The following NACAD variants were observed in gnomAD, a reference collection of about 807,000 sequenced individuals.
The protein encoded by NACAD is NAC alpha domain containing.
Under a neutral mutation model 98.9 loss-of-function variants are expected in NACAD, and 47 were observed. The observed-to-expected ratio is 0.48, with a 90% CI of 0.38 to 0.61. The LOEUF (loss-of-function observed/expected upper bound fraction) is 0.61, where lower values mean the gene tolerates loss of function less well. Among genes scored for constraint, NACAD ranks in the 20% least tolerant of loss-of-function variants. The pLI is 0.00. For missense variants in NACAD, 1,412 were observed against 1,748.2 expected (o/e 0.81, Z 3.43); for synonymous variants, 696 against 767.2 (o/e 0.91, Z 1.53).
Position 45,082,954 on chromosome 7 carries a change from C to A in NACAD, c.3226G>T (p.Val1076Phe). 6.4e-7 allele frequency: 1 copy of A among 1,551,086 alleles called. No individual in the cohort carries two copies. Among genetic ancestry groups the A allele is most frequent in the South Asian group, 1.2e-5 (1 of 84,070 alleles). The change falls in exon 2 of 8, where the codon GTT becomes TTT. Residue 1076 changes from valine (V) to phenylalanine (F), a missense_variant. By Grantham distance (50) the Val-to-Phe change is conservative. This residue lies in a region of NACAD where 572 missense variants were observed against 639.6 expected (regional missense o/e 0.89). Transcript: ENST00000490531. This position sits in a 1 kb window ranked among gnomAD's most constrained non-coding sequence, Gnocchi z 4.5. The stretch of plus-strand genomic sequence containing the variant: ...AGGCCTCCTTCCTGCTGGTTCTCAA[C>A]CTCCAGGGTCTCCTTTTGGGGTGAG... ...PDSPQKETLE[V>F]ENQQEGGLKP...
chr7:45,088,832 G>T lies in NACAD; in HGVS notation c.63C>A (p.Arg21=), dbSNP rs780620457. 1.3e-6 allele frequency: 2 copies of T among 1,493,050 alleles called. No individual in the cohort carries two copies. Among genetic ancestry groups the T allele is most frequent in the South Asian group, 2.5e-5 (2 of 80,226 alleles). The allele number at this position is 1,493,050 out of a possible 1,614,324, so 92.5% of individuals were successfully genotyped here. Reference sequence around the variant, plus strand: ...AAAGAGTGGCCACGGCCTCACCTGTGCGGGGCCCGGGTCGGTCCGCCTCGG... The same window carrying T: ...AAAGAGTGGCCACGGCCTCACCTGTTCGGGGCCCGGGTCGGTCCGCCTCGG... ...LLPEADRPGP[R]TDLSCDAAAA... is the part of the protein sequence containing the mutation. The change falls in exon 1 of 8, where the codon CGC becomes CGA. Residue 21 remains arginine (R), a synonymous_variant. Coordinates refer to ENST00000490531, the MANE Select transcript of NACAD (RefSeq NM_001146334.2). The surrounding 1 kb of genome is among the most constrained non-coding windows in gnomAD (Gnocchi z 5.7).
At position 45,080,915 on chromosome 7, in the gene NACAD, C is replaced by A. The variant is rs759587258; in HGVS notation, c.4512G>T (p.Arg1504Ser). 7.1e-6 allele frequency: 11 copies of A among 1,555,776 alleles called. No homozygotes were observed. The highest frequency in any genetic ancestry group is 9.6e-6 in the Non-Finnish European group (11 of 1,149,588). ...CCTCTTCCTCTTCCTTGCACTCCAG[C>A]CTCACCCGGGGCCTGGGTGCTGACT... Reference protein sequence around the residue: ...VPESAPRPRVRLECKEEEEEE... With the variant: ...VPESAPRPRVSLECKEEEEEE... Residue 1504 changes from arginine to serine, a missense_variant, in exon 6 of 8, where the codon AGG (arginine) becomes AGT (serine). Transcript: ENST00000490531.
chr7:45,080,859 G>A lies in NACAD; in HGVS notation c.4551+17C>T, dbSNP rs1472302866. ...TCCCACCACCCCCTGCGAGGCCCTG[G>A]AGCCCCTGCACTTCACCTCTTCCTC... On this transcript the variant is annotated intron_variant, in intron 6 of 7. Transcript: ENST00000490531. The A allele has an allele frequency of 1.3e-6, 2 of 1,553,906 alleles. No individual in the cohort carries two copies. The highest frequency in any genetic ancestry group is 1.9e-5 in the Admixed American group (1 of 51,300).
In NACAD at chr7:45,084,581, G is replaced by C; in HGVS notation, c.1599C>G (p.Ser533Arg). 1.9e-6 allele frequency: 3 copies of C among 1,551,944 alleles called. No homozygotes were observed. The highest frequency in any genetic ancestry group is 1.4e-5 in the African/African-American group (1 of 73,152). Residue 533 changes from serine (S) to arginine (R), a missense_variant, in exon 2 of 8, where the codon AGC becomes AGG. Ser to Arg is a moderately radical substitution (Grantham distance 110, BLOSUM62 -1). This residue lies in a region of NACAD where 638 missense variants were observed against 722.7 expected (regional missense o/e 0.88). Transcript: ENST00000490531. ...TGACAGACTCTTGGCCTAAGATCTC[G>C]CTGATGCCCTCCTGGGAGGGCTGAG... The part of the protein sequence containing the change: ...AMPQPSQEGI[S>R]EILGQESVTA...
chr7:45,085,238 C>A lies in NACAD; in HGVS notation c.942G>T (p.Gln314His). The change falls in exon 2 of 8, where the codon CAG becomes CAT. Residue 314 changes from glutamine to histidine, a missense_variant. By Grantham distance (24) the Gln-to-His change is conservative. This residue lies in a region of NACAD where 638 missense variants were observed against 722.7 expected (regional missense o/e 0.88). Transcript: ENST00000490531. The surrounding 1 kb of genome is among the most constrained non-coding windows in gnomAD (Gnocchi z 6.1). ...PMIPAALLPF[Q>H]GSLIFQVEAV... ...CCTCCACCTGAAAGATGAGGCTGCC[C>A]TGGAAGGGTAGGAGGGCTGCGGGGA... 6.4e-7 allele frequency: 1 copy of A among 1,551,424 alleles called. No homozygotes were observed. The highest frequency in any genetic ancestry group is 1.2e-5 in the South Asian group (1 of 84,064).
chr7:45,084,369 G>A lies in NACAD; in HGVS notation c.1811C>T (p.Pro604Leu), dbSNP rs528398891. ...ATCTGTGTCTTGTAGGGGCAGAGGC[G>A]GTGTCATAGCGGAGTCCTGGGGTAA... ...LTLPQDSAMT[P>L]PLPLQDTDLS... The change falls in exon 2 of 8, where the codon CCG becomes CTG. Residue 604 changes from proline to leucine, a missense_variant. Pro to Leu is a moderately conservative substitution (Grantham distance 98). Coordinates refer to ENST00000490531, the MANE Select transcript of NACAD (RefSeq NM_001146334.2). The A allele has an allele frequency of 2.2e-5, 32 of 1,430,274 alleles. No individual in the cohort carries two copies. In the East Asian group the frequency reaches 5.6e-4, roughly 25 times the overall value. The allele number at this position is 1,430,274 out of a possible 1,614,324, so 88.6% of individuals were successfully genotyped here. A position where few individuals can be genotyped will look rare whatever the true frequency, so the allele number is the denominator to read the frequency against.
rs1370909283 is a variant in NACAD, at chr7:45,088,121, A to C, written c.67+707T>G. ...GCAAGGTGCCCTTGGCCCTACCCAC[A>C]CATGGCTGACCTCCACGCCAGGACT... On this transcript the variant is annotated intron_variant, in intron 1 of 7. Coordinates refer to ENST00000490531, the MANE Select transcript of NACAD (RefSeq NM_001146334.2). This position sits in a 1 kb window ranked among gnomAD's most constrained non-coding sequence, Gnocchi z 5.7. Among the ~76,000 whole-genome samples, 1 of 152,070 alleles carries C rather than the reference A, an allele frequency of 6.6e-6. No individual in the cohort carries two copies. Among genetic ancestry groups the C allele is most frequent in the Non-Finnish European group, 1.5e-5 (1 of 67,996 alleles).
Position 45,083,442 on chromosome 7 carries a change from C to T in NACAD, c.2738G>A (p.Gly913Asp). 1 of 1,547,634 alleles carries T rather than the reference C, an allele frequency of 6.5e-7. No individual in the cohort carries two copies. The highest frequency in any genetic ancestry group is 8.7e-7 in the Non-Finnish European group (1 of 1,146,300). Residue 913 changes from glycine (G) to aspartate (D), a missense_variant, in exon 2 of 8, where the codon GGC (glycine) becomes GAC (aspartate). By Grantham distance (94) the Gly-to-Asp change is moderately conservative. Around this residue, in one of 5 missense-constraint regions of NACAD, gnomAD observed 72 missense variants for 198.0 expected, o/e 0.36. Transcript: ENST00000490531. ...AGCGGAGTCCTGGGGTAAGGTGAGG[C>T]CCTCTTCAGCCTGCTGGGACACAGG... ...ATPVSQQAEE[G>D]LTLPQDSAMT... is the part of the protein sequence containing the mutation.
rs540224471 is a variant in NACAD at position 45,082,863 on chromosome 7, G to C, written c.3317C>G (p.Ala1106Gly). ...GACCTCAGGGCAGGCAGCAGGAGGCGCATCGGGGACCTCCCTTGCACCTCC... is the reference window on the plus strand; with the variant it reads ...GACCTCAGGGCAGGCAGCAGGAGGCCCATCGGGGACCTCCCTTGCACCTCC... Reference protein sequence around the residue: ...ALGGAREVPDAPPAACPEVSQ... With the variant: ...ALGGAREVPDGPPAACPEVSQ... The change falls in exon 2 of 8, where the codon GCG becomes GGG. Residue 1106 changes from alanine to glycine, a missense_variant. Around this residue, in one of 5 missense-constraint regions of NACAD, gnomAD observed 572 missense variants for 639.6 expected, o/e 0.89. Transcript: ENST00000490531. This position sits in a 1 kb window ranked among gnomAD's most constrained non-coding sequence, Gnocchi z 4.5. 1 of 1,550,214 alleles carries C rather than the reference G, an allele frequency of 6.5e-7. No homozygotes were observed. Among genetic ancestry groups the C allele is most frequent in the East Asian group, 2.4e-5 (1 of 40,910 alleles).
intron 1 of NACAD, among the ~76,000 whole-genome samples, chr7:45,087,305 T>C (rs910570109): frequency 3.9e-5 from 6 of 152,272 alleles, no homozygotes; most frequent in African/African-American, 1.4e-4. Context: ...AGCATTTTCC[T>C]GTGTGCTCTA....
At chr7:45,087,446 G>C (rs545748365) in intron 1 of NACAD, among the ~76,000 whole-genome samples, 10 of 152,230 alleles carry the variant, frequency 6.6e-5, no homozygotes, top group Non-Finnish European at 1.0e-4. Context: ...TGCCCAAGGT[G>C]GGGGAGCGGC....
In NACAD at chr7:45,082,824, A is replaced by G. The variant is rs1391505213; in HGVS notation, c.3356T>C (p.Leu1119Pro). Residue 1119 changes from leucine to proline, a missense_variant, in exon 2 of 8, where the codon CTC becomes CCC. By Grantham distance (98) the Leu-to-Pro change is moderately conservative. Around this residue, in one of 5 missense-constraint regions of NACAD, gnomAD observed 572 missense variants for 639.6 expected, o/e 0.89. Coordinates refer to ENST00000490531, the MANE Select transcript of NACAD (RefSeq NM_001146334.2). The surrounding 1 kb of genome is among the most constrained non-coding windows in gnomAD (Gnocchi z 4.5). ...AACPEVSQAR[L>P]LSPAREERGL... ...TCTTTCCTCCCTGGCTGGGCTCAGG[A>G]GCCGGGCCTGGCTGACCTCAGGGCA... 2 of 1,549,764 alleles carry G rather than the reference A, an allele frequency of 1.3e-6. No homozygotes were observed. The highest frequency in any genetic ancestry group is 2.0e-5 in the Admixed American group (1 of 50,954).
intron 1 of NACAD, among the ~76,000 whole-genome samples, chr7:45,087,140 G>A (rs1784533082): frequency 6.6e-6 from 1 of 152,194 alleles, no homozygotes; most frequent in South Asian, 2.1e-4. Context: ...AGGGGACTCA[G>A]GAAGATGGAA....
rs780047915 is a variant in NACAD at position 45,085,593 on chromosome 7, TC to T, written c.586del (p.Asp196ThrfsTer110). On this transcript the variant is annotated frameshift_variant, in exon 2 of 8. Transcript: ENST00000490531. LOFTEE classifies it high-confidence loss of function. This position sits in a 1 kb window ranked among gnomAD's most constrained non-coding sequence, Gnocchi z 6.1. Reference protein sequence around the residue: ...ALLPACGPHGDARDSEAELRD... With the variant: ...ALLPACGPHGXARDSEAELRD... ...CAGCTCAGCCTCTGAGTCCCTGGCG[TC>T]CCCGTGGGGCCCACAGGCAGGAAGC... The T allele has an allele frequency of 6.5e-7, 1 of 1,548,448 alleles. No individual in the cohort carries two copies. Among genetic ancestry groups the T allele is most frequent in the South Asian group, 1.2e-5 (1 of 83,856 alleles).
In NACAD at chr7:45,088,131, C is replaced by T. The variant is rs1784549203; in HGVS notation, c.67+697G>A. Among the ~76,000 whole-genome samples, 1 of 152,204 alleles carries T rather than the reference C, an allele frequency of 6.6e-6. No individual in the cohort carries two copies. The highest frequency in any genetic ancestry group is 1.5e-5 in the Non-Finnish European group (1 of 68,024). On this transcript the variant is annotated intron_variant, in intron 1 of 7. Coordinates refer to ENST00000490531, the MANE Select transcript of NACAD (RefSeq NM_001146334.2). The surrounding 1 kb of genome is among the most constrained non-coding windows in gnomAD (Gnocchi z 5.7). The stretch of plus-strand genomic sequence containing the variant: ...CTTGGCCCTACCCACACATGGCTGA[C>T]CTCCACGCCAGGACTGTCCAGGCTC...
intron 1 of NACAD, among the ~76,000 whole-genome samples, chr7:45,087,638 CT>C (rs1470264878): frequency 6.6e-6 from 1 of 152,272 alleles, no homozygotes; most frequent in Non-Finnish European, 1.5e-5. Context: ...TCCAGCTCCC[CT>C]CAGCAGCATC....
chr7:45,087,817 C>T (rs1784543382), intron 1 of NACAD, among the ~76,000 whole-genome samples: 1 of 152,212 alleles, frequency 6.6e-6, no homozygotes, highest in African/African-American at 2.4e-5. Flanking sequence ...ACTGGGTGCC[C>T]TGAAGCTGGG....
chr7:45,086,646 C>G (rs930711649), intron 1 of NACAD, among the ~76,000 whole-genome samples: 2 of 152,248 alleles, frequency 1.3e-5, no homozygotes. Flanking sequence ...TCCTTGCTAC[C>G]TACACTTGAG....
Position 45,082,829 on chromosome 7 carries a change from G to A in NACAD, c.3351C>T (p.Ala1117=). ...PPAACPEVSQ[A]RLLSPAREER... Reference sequence around the variant, plus strand: ...CCTCCCTGGCTGGGCTCAGGAGCCGGGCCTGGCTGACCTCAGGGCAGGCAG... The same window carrying A: ...CCTCCCTGGCTGGGCTCAGGAGCCGAGCCTGGCTGACCTCAGGGCAGGCAG... The change falls in exon 2 of 8, where the codon GCC becomes GCT. Residue 1117 remains alanine (A), a synonymous_variant. Transcript: ENST00000490531. The surrounding 1 kb of genome is among the most constrained non-coding windows in gnomAD (Gnocchi z 4.5). 1 of 1,549,856 alleles carries A rather than the reference G, an allele frequency of 6.5e-7. No individual in the cohort carries two copies.
Sources: allele counts gnomAD v4.1 joint callset (sites outside exome capture counted in the v4.1 genomes callset), GRCh38; gene constraint gnomAD v4.1.1; regional missense constraint gnomAD v4.1.1; non-coding constraint Gnocchi (gnomAD v3.1); transcripts MANE v1.5; gene names NCBI Gene and HGNC (gene_info 2026-07-23, HGNC 2026-07-21).